The following LANCL2 variants were observed in gnomAD, a reference collection of about 807,000 sequenced individuals.
The protein encoded by LANCL2 is lanC-like protein 2.
Under a neutral mutation model 56.9 loss-of-function variants are expected in LANCL2, and 33 were observed. The observed-to-expected ratio is 0.58, with a 90% CI of 0.44 to 0.78. LANCL2 has a LOEUF of 0.78. LANCL2 is among the 30% of genes least tolerant of loss of function. LANCL2 has a pLI of 0.00. For synonymous variants in LANCL2, 233 were observed against 228.2 expected, an observed-to-expected ratio of 1.02 and a Z score of -0.19; for missense variants, 562 against 580.2, an observed-to-expected ratio of 0.97 and a Z score of 0.32.
At chr7:55,399,638 C>T (rs1477085065) in intron 3 of LANCL2, among the ~76,000 whole-genome samples, 11 of 152,230 alleles carry the variant, frequency 7.2e-5, no homozygotes, top group Admixed American at 5.2e-4. Flanking sequence ...CCACCGTGCC[C>T]GGCCTGCAGT....
At position 55,425,547 on chromosome 7, in the gene LANCL2, T is replaced by C; in HGVS notation, c.1185+117T>C. 10 of 921,426 alleles carry C rather than the reference T, an allele frequency of 1.1e-5. 1 individual carries two copies. In the South Asian group the frequency reaches 1.7e-4, roughly 15 times the overall value. The allele number at this position is 921,426 out of a possible 1,614,324, so 57.1% of individuals were successfully genotyped here. ...ACCTGTTTCTCCCAGTTCTGTAGCT[T>C]CCTCTTTTTCTTCTGGCACAGCCTT... is the stretch of plus-strand genomic sequence containing the variant. On this transcript the variant is annotated intron_variant, in intron 7 of 8. Transcript: ENST00000254770.
intron 5 of LANCL2, among the ~76,000 whole-genome samples, chr7:55,409,254 A>AT (rs932975932): frequency 1.1e-3 from 163 of 147,326 alleles, no homozygotes; most frequent in Admixed American, 4.1e-3. Flanking sequence ...TGCCCGGCTA[A>AT]TTTTTTTTTT....
intron 1 of LANCL2, among the ~76,000 whole-genome samples, chr7:55,368,716 A>G (rs1334260992): frequency 1.3e-5 from 2 of 152,204 alleles, no homozygotes; most frequent in East Asian, 1.9e-4. Context: ...AAAAAAAGGT[A>G]TTGAAGGTTG....
intron 1 of LANCL2, among the ~76,000 whole-genome samples, chr7:55,388,544 A>G (rs1326696078): frequency 6.6e-6 from 1 of 152,228 alleles, no homozygotes; most frequent in Non-Finnish European, 1.5e-5. Flanking sequence ...ACTCTGTTAA[A>G]GAAAGGAATG....
chr7:55,406,827 C>A (rs78784458), intron 5 of LANCL2, among the ~76,000 whole-genome samples: 91 of 152,312 alleles, frequency 6.0e-4, no homozygotes, highest in African/African-American at 2.1e-3. Context: ...AACCGAAGTT[C>A]TTTGATGAAG....
rs1287641618 is a variant in LANCL2 at position 55,402,653 on chromosome 7, A to AC, written c.825+1340dup. Among the ~76,000 whole-genome samples, 3 of 93,996 alleles carry AC rather than the reference A, an allele frequency of 3.2e-5. 1 individual carries two copies. The highest frequency in any genetic ancestry group is 4.4e-5 in the Non-Finnish European group (2 of 45,216). The allele number at this position is 93,996 out of a possible 152,430, so 61.7% of individuals were successfully genotyped here. A position where few individuals can be genotyped will look rare whatever the true frequency, so the allele number is the denominator to read the frequency against. On this transcript the variant is annotated intron_variant, in intron 5 of 8. Transcript: ENST00000254770. ...GGGCGGCTGGCTGGGCGGGGGGCTAACCCCCCCACCTCCCTTCCGGACGGG... is the reference window on the plus strand; with the variant it reads ...GGGCGGCTGGCTGGGCGGGGGGCTAACCCCCCCCACCTCCCTTCCGGACGGG...
intron 5 of LANCL2, among the ~76,000 whole-genome samples, chr7:55,405,518 G>T (rs1398221062): frequency 6.8e-6 from 1 of 147,506 alleles, no homozygotes; most frequent in Non-Finnish European, 1.5e-5. Flanking sequence ...TTTGGGACAG[G>T]GTCTCACTTT....
chr7:55,377,593 A>G (rs1362645309), intron 1 of LANCL2, among the ~76,000 whole-genome samples: 2 of 152,184 alleles, frequency 1.3e-5, no homozygotes, highest in Non-Finnish European at 2.9e-5. Flanking sequence ...ATCTTGCCAT[A>G]AATGTGCCTT....
chr7:55,391,520 C>A (rs561801827), intron 1 of LANCL2, among the ~76,000 whole-genome samples: 2 of 133,556 alleles, frequency 1.5e-5, no homozygotes, highest in South Asian at 4.5e-4. Flanking sequence ...TAAATCCATC[C>A]ATTTTTCCTT....
In LANCL2 at chr7:55,366,075, C is replaced by T. The variant is rs1466414068; in HGVS notation, c.50C>T (p.Ala17Val). The change falls in exon 1 of 9, where the codon GCA becomes GTA. Residue 17 changes from alanine to valine, a missense_variant. Transcript: ENST00000254770. ...CTGAAGCTCCACCTGGGAGGGGAGG[C>T]AGAAATGGAGGAACGGGCGTTCGTC... The part of the protein sequence containing the change: ...KRLKLHLGGE[A>V]EMEERAFVNP... 2.6e-6 allele frequency: 4 copies of T among 1,530,228 alleles called. No homozygotes were observed. The highest frequency in any genetic ancestry group is 2.6e-6 in the Non-Finnish European group (3 of 1,134,900). The allele number at this position is 1,530,228 out of a possible 1,614,324, so 94.8% of individuals were successfully genotyped here.
Position 55,401,164 on chromosome 7 carries a change from A to T in LANCL2, c.679-10A>T. 1.2e-6 allele frequency: 2 copies of T among 1,613,166 alleles called. No individual in the cohort carries two copies. Among genetic ancestry groups the T allele is most frequent in the Non-Finnish European group, 1.7e-6 (2 of 1,179,172 alleles). ...AGTTTTAGATTTATGCTGTCTTGTT[A>T]TCTCTGTAGGTAGTCAATGCTATTA... On this transcript the variant is annotated splice_polypyrimidine_tract_variant and intron_variant, in intron 4 of 8. Transcript: ENST00000254770.
At chr7:55,366,376 C>T (rs781439805) in intron 1 of LANCL2, 147 bp downstream of exon 1, 41 of 646,356 alleles carry the variant, frequency 6.3e-5, no homozygotes, top group Non-Finnish European at 8.4e-5. Flanking sequence ...CCGGGCCTTC[C>T]CGATGAGCCG....
intron 1 of LANCL2, among the ~76,000 whole-genome samples, chr7:55,384,939 C>A (rs1439344459): frequency 6.6e-6 from 1 of 152,168 alleles, no homozygotes; most frequent in African/African-American, 2.4e-5. Flanking sequence ...GTAATCCCAG[C>A]ACTTTGTGGG....
intron 1 of LANCL2, among the ~76,000 whole-genome samples, chr7:55,367,134 C>A (rs999581279): frequency 6.6e-6 from 1 of 152,202 alleles, no homozygotes; most frequent in Non-Finnish European, 1.5e-5. Flanking sequence ...GGATGGCATA[C>A]CCTGTCACCC....
chr7:55,388,845 A>T (rs1790155023), intron 1 of LANCL2, among the ~76,000 whole-genome samples: 1 of 152,076 alleles, frequency 6.6e-6, no homozygotes, highest in South Asian at 2.1e-4. Flanking sequence ...ACAGTGGCTG[A>T]GCTTGTGGCA....
chr7:55,415,891 G>C (rs1481446743), intron 6 of LANCL2, among the ~76,000 whole-genome samples: 1 of 151,930 alleles, frequency 6.6e-6, no homozygotes, highest in Non-Finnish European at 1.5e-5. Context: ...CTGGGATTAC[G>C]GGCATGAGCC....
At chr7:55,419,400 CT>C (rs1156534780) in intron 6 of LANCL2, among the ~76,000 whole-genome samples, 434 of 109,086 alleles carry the variant, frequency 4.0e-3, no homozygotes, top group Middle Eastern at 0.014. Flanking sequence ...TGTTCTTTTC[CT>C]TTTTTTTTTT....
intron 5 of LANCL2, 81 bp from the exon 6 acceptor site, chr7:55,411,826 G>T: frequency 7.7e-7 from 1 of 1,298,810 alleles, no homozygotes; most frequent in South Asian, 1.5e-5. Flanking sequence ...CCAGGTAATT[G>T]ATGTTTTGTT....
intron 1 of LANCL2, among the ~76,000 whole-genome samples, chr7:55,384,382 T>C (rs1057451948): frequency 2.0e-5 from 3 of 151,850 alleles, no homozygotes; most frequent in Non-Finnish European, 4.4e-5. Flanking sequence ...TGAAACCCCG[T>C]CTCTACTAAA....
Sources: gnomAD v4.1 joint callset for allele counts (sites outside exome capture counted in the v4.1 genomes callset) on GRCh38, gnomAD v4.1.1 for gene constraint, MANE v1.5 for transcripts, NCBI Gene and HGNC (gene_info 2026-07-23, HGNC 2026-07-21) for gene names.